The following RPS6KC1 variants were observed in gnomAD, a reference collection of about 807,000 sequenced individuals.
RPS6KC1 encodes inactive ribosomal protein S6 kinase delta-1.
Under a neutral mutation model 103.8 loss-of-function variants are expected in RPS6KC1, and 54 were observed. The observed-to-expected ratio is 0.52, with a 90% CI of 0.42 to 0.65. The LOEUF (loss-of-function observed/expected upper bound fraction) is 0.65. RPS6KC1 is among the 30% of genes least tolerant of loss of function. The pLI is 0.00. For missense variants in RPS6KC1, 1,151 were observed against 1,253.8 expected, an observed-to-expected ratio of 0.92 and a Z score of 1.24; for synonymous variants, 439 against 438.7, an observed-to-expected ratio of 1.00 and a Z score of -0.01.
chr1:213,077,772 G>C lies in RPS6KC1; in HGVS notation c.218G>C (p.Arg73Pro). ...ELWQIHKNLFRHSELFPPFAK... is the reference protein window; with the variant it reads ...ELWQIHKNLFPHSELFPPFAK... ...TGGCAAATTCACAAAAACTTATTCCGACATTCAGAGTTGTTTCCTCCATTT... is the reference window on the plus strand; with the variant it reads ...TGGCAAATTCACAAAAACTTATTCCCACATTCAGAGTTGTTTCCTCCATTT... The change falls in exon 3 of 15, where the codon CGA (arginine) becomes CCA (proline). Residue 73 changes from arginine to proline, a missense_variant. Around this residue, in one of 3 missense-constraint regions of RPS6KC1, gnomAD observed 959 missense variants for 1,006.3 expected, o/e 0.95. Transcript: ENST00000366960. The C allele has an allele frequency of 6.4e-7, 1 of 1,565,038 alleles. No homozygotes were observed.
intron 3 of RPS6KC1, among the ~76,000 whole-genome samples, chr1:213,091,550 A>G (rs2080968121): frequency 6.6e-6 from 1 of 152,178 alleles, no homozygotes; most frequent in Non-Finnish European, 1.5e-5. Flanking sequence ...TTACCTGGGC[A>G]TGAGTTTGTA....
the RPS6KC1 span, among the ~76,000 whole-genome samples, chr1:213,546,071 C>G: frequency 6.6e-6 from 1 of 152,118 alleles, no homozygotes; most frequent in Non-Finnish European, 1.5e-5. Flanking sequence ...TCACCTGGAC[C>G]GAAGCCCAGA....
intron 1 of RPS6KC1, among the ~76,000 whole-genome samples, chr1:213,059,709 G>T (rs2077651631): frequency 6.6e-6 from 1 of 151,246 alleles, no homozygotes; most frequent in African/African-American, 2.4e-5. Flanking sequence ...ATCTCGCTCT[G>T]TTGCCCAGGC....
chr1:213,068,998 C>T (rs2078620536), intron 1 of RPS6KC1, among the ~76,000 whole-genome samples: 1 of 151,510 alleles, frequency 6.6e-6, no homozygotes, highest in Non-Finnish European at 1.5e-5. Flanking sequence ...TTTGAGGCTG[C>T]AGTGAGCTAT....
chr1:213,716,084 C>A, the RPS6KC1 span, among the ~76,000 whole-genome samples: 3 of 152,120 alleles, frequency 2.0e-5, no homozygotes, highest in Non-Finnish European at 4.4e-5. Context: ...ATTTTCTCTT[C>A]AAAATTTCTA....
At chr1:213,510,958 G>A in the RPS6KC1 span, among the ~76,000 whole-genome samples, 2 of 152,148 alleles carry the variant, frequency 1.3e-5, no homozygotes, top group African/African-American at 2.4e-5. Context: ...GCAAAGATGG[G>A]TGCTTAGTAC....
the RPS6KC1 span, among the ~76,000 whole-genome samples, chr1:213,780,799 A>C: frequency 6.6e-6 from 1 of 152,154 alleles, no homozygotes; most frequent in African/African-American, 2.4e-5. Flanking sequence ...CGAGGCAGAC[A>C]GATCACTTGA....
chr1:213,479,153 G>T, the RPS6KC1 span, among the ~76,000 whole-genome samples: 2 of 151,860 alleles, frequency 1.3e-5, no homozygotes, highest in Non-Finnish European at 2.9e-5. Flanking sequence ...CTTATGTTGG[G>T]CATGTGAATT....
chr1:213,312,914 A>C, the RPS6KC1 span, among the ~76,000 whole-genome samples: 1 of 152,228 alleles, frequency 6.6e-6, no homozygotes, highest in Non-Finnish European at 1.5e-5. Context: ...TGTTTAACAG[A>C]TGCATTTCAT....
At chr1:213,652,466 C>A in the RPS6KC1 span, among the ~76,000 whole-genome samples, 1 of 152,230 alleles carries the variant, frequency 6.6e-6, no homozygotes, top group Non-Finnish European at 1.5e-5. Flanking sequence ...ATCGGGCAGA[C>A]TGCAAAACAT....
intron 8 of RPS6KC1, among the ~76,000 whole-genome samples, chr1:213,205,663 A>G (rs755877516): frequency 6.0e-5 from 9 of 150,108 alleles, no homozygotes; most frequent in Non-Finnish European, 1.2e-4. Flanking sequence ...TTCATCTAAT[A>G]TACTTATTTT....
chr1:213,382,121 G>A, the RPS6KC1 span, among the ~76,000 whole-genome samples: 1 of 152,142 alleles, frequency 6.6e-6, no homozygotes, highest in African/African-American at 2.4e-5. Context: ...AATATCGCCA[G>A]CTCCAAGCCC....
chr1:213,087,759 T>C (rs1182306881), intron 3 of RPS6KC1, among the ~76,000 whole-genome samples: 1 of 152,196 alleles, frequency 6.6e-6, no homozygotes, highest in Non-Finnish European at 1.5e-5. Context: ...GCAGTCCTAT[T>C]GGAGACTGAG....
chr1:213,160,132 A>G (rs546378931), intron 6 of RPS6KC1, among the ~76,000 whole-genome samples: 1 of 152,216 alleles, frequency 6.6e-6, no homozygotes, highest in South Asian at 2.1e-4. Context: ...GAAGTATTAA[A>G]ACTGTAAATC....
chr1:213,207,294 T>C (rs1323917622), intron 8 of RPS6KC1, among the ~76,000 whole-genome samples: 1 of 152,138 alleles, frequency 6.6e-6, no homozygotes, highest in African/African-American at 2.4e-5. Context: ...CAGACAGAAA[T>C]GGACTTTCTT....
the RPS6KC1 span, among the ~76,000 whole-genome samples, chr1:213,636,552 G>GTA: frequency 1.3e-5 from 2 of 152,146 alleles, no homozygotes; most frequent in African/African-American, 4.8e-5. Flanking sequence ...TGGGAGAACT[G>GTA]GCTAGCCATA....
the RPS6KC1 span, among the ~76,000 whole-genome samples, chr1:213,816,297 TGCCA>T: frequency 6.6e-6 from 1 of 152,204 alleles, no homozygotes; most frequent in South Asian, 2.1e-4. Context: ...TATGCAGAGT[TGCCA>T]TAAATCTTCA....
the RPS6KC1 span, among the ~76,000 whole-genome samples, chr1:213,329,260 C>T: frequency 2.0e-5 from 3 of 152,166 alleles, no homozygotes; most frequent in Non-Finnish European, 4.4e-5. Context: ...GATCCCATTT[C>T]CAACTGCAGG....
the RPS6KC1 span, among the ~76,000 whole-genome samples, chr1:213,645,894 A>G: frequency 3.3e-5 from 5 of 152,308 alleles, no homozygotes; most frequent in East Asian, 1.9e-4. Context: ...TGAACTGGAA[A>G]GAAATCAGGC....
Sources: gnomAD v4.1 joint callset for allele counts (sites outside exome capture counted in the v4.1 genomes callset) on GRCh38, gnomAD v4.1.1 for gene constraint, gnomAD v4.1.1 regional missense constraint, MANE v1.5 for transcripts, NCBI Gene and HGNC (gene_info 2026-07-23, HGNC 2026-07-21) for gene names.